The following ALPK3 variants were observed in gnomAD, a reference collection of about 807,000 sequenced individuals.
ALPK3 encodes the protein alpha kinase 3.
In ALPK3, 102 loss-of-function variants were observed where a neutral mutation model predicts 140.0. The ratio of observed to expected loss-of-function variants is 0.73; its 90% CI spans 0.62 to 0.86. ALPK3 has a LOEUF of 0.86. Among genes scored for constraint, ALPK3 ranks in the 40% least tolerant of loss-of-function variants. The pLI is 0.00. For missense variants in ALPK3, 2,254 were observed against 2,208.2 expected, an observed-to-expected ratio of 1.02 and a Z score of -0.42; for synonymous variants, 938 against 898.5, an observed-to-expected ratio of 1.04 and a Z score of -0.79.
intron 5 of ALPK3, among the ~76,000 whole-genome samples, chr15:84,849,686 T>C (rs1963779755): frequency 1.3e-5 from 2 of 152,144 alleles, no homozygotes; most frequent in Admixed American, 6.5e-5. Context: ...TAAGGCCAAT[T>C]AGAAAACATT....
At position 84,858,036 on chromosome 15, in the gene ALPK3, C is replaced by G. The variant is rs1963888666; in HGVS notation, c.3298C>G (p.Pro1100Ala). 2.5e-6 allele frequency: 4 copies of G among 1,569,018 alleles called. No individual in the cohort carries two copies. The Admixed American group carries it at 7.6e-5, about 30-fold the overall frequency. Reference protein sequence around the residue: ...EGEGEVSPEGPGLLGASQESS... With the variant: ...EGEGEVSPEGAGLLGASQESS... ...TGAAGGAGAGGTTTCCCCTGAGGGG[C>G]CTGGCCTCCTGGGGGCCTCTCAGGA... The change falls in exon 6 of 14, where the codon CCT (proline) becomes GCT (alanine). Residue 1100 changes from proline to alanine, a missense_variant. Pro to Ala is a conservative substitution (Grantham distance 27, BLOSUM62 -1). Coordinates refer to ENST00000258888, the MANE Select transcript of ALPK3 (RefSeq NM_020778.5).
At position 84,857,530 on chromosome 15, in the gene ALPK3, G is replaced by T. The variant is rs765180242; in HGVS notation, c.2792G>T (p.Ser931Ile). Reference protein sequence around the residue: ...QSHPPETMATSSEGACAQVPD... With the variant: ...QSHPPETMATISEGACAQVPD... ...CACCCACCAGAAACCATGGCCACCA[G>T]CAGTGAGGGGGCCTGCGCCCAGGTA... The change falls in exon 6 of 14, where the codon AGC becomes ATC. Residue 931 changes from serine (S) to isoleucine (I), a missense_variant. Ser to Ile is a moderately radical substitution (Grantham distance 142). Around this residue, in one of 3 missense-constraint regions of ALPK3, gnomAD observed 2,088 missense variants for 2,022.9 expected, o/e 1.03. Coordinates refer to ENST00000258888, the MANE Select transcript of ALPK3 (RefSeq NM_020778.5). The T allele has an allele frequency of 6.3e-7, 1 of 1,592,894 alleles. No homozygotes were observed. Among genetic ancestry groups the T allele is most frequent in the South Asian group, 1.1e-5 (1 of 87,126 alleles).
intron 3 of ALPK3, among the ~76,000 whole-genome samples, chr15:84,831,756 C>G (rs1963547359): frequency 6.6e-6 from 1 of 152,166 alleles, no homozygotes. Context: ...AAAAGCTGAT[C>G]AGAAGTTCTG....
chr15:84,854,501 G>A (rs1396179378), intron 5 of ALPK3, among the ~76,000 whole-genome samples: 1 of 152,038 alleles, frequency 6.6e-6, no homozygotes, highest in African/African-American at 2.4e-5. Flanking sequence ...TAGCCAGAGT[G>A]GTCTCAAACT....
intron 5 of ALPK3, among the ~76,000 whole-genome samples, chr15:84,853,227 A>G (rs370343449): frequency 2.0e-5 from 3 of 152,240 alleles, no homozygotes; most frequent in East Asian, 1.9e-4. Flanking sequence ...AAGAGGCTCT[A>G]ATATATTACT....
chr15:84,851,900 G>C (rs959998119), intron 5 of ALPK3, among the ~76,000 whole-genome samples: 1 of 152,144 alleles, frequency 6.6e-6, no homozygotes, highest in Non-Finnish European at 1.5e-5. Flanking sequence ...GGGTTAAAGA[G>C]TATAAATATT....
At position 84,857,416 on chromosome 15, in the gene ALPK3, G is replaced by T; in HGVS notation, c.2678G>T (p.Ser893Ile). Residue 893 changes from serine to isoleucine, a missense_variant, in exon 6 of 14, where the codon AGC (serine) becomes ATC (isoleucine). By Grantham distance (142) the Ser-to-Ile change is moderately radical (BLOSUM62 -2). This residue lies in a region of ALPK3 where 2,088 missense variants were observed against 2,022.9 expected (regional missense o/e 1.03). Coordinates refer to ENST00000258888, the MANE Select transcript of ALPK3 (RefSeq NM_020778.5). ...PCSTPTSQHG[S>I]TATFLPSEDQ... ...AGCACCCCGACTTCTCAGCACGGGA[G>T]CACAGCCACCTTCCTGCCCTCTGAG... 6.2e-6 allele frequency: 10 copies of T among 1,614,064 alleles called. No homozygotes were observed. Among genetic ancestry groups the T allele is most frequent in the Non-Finnish European group, 7.6e-6 (9 of 1,180,014 alleles).
intron 1 of ALPK3, 21 bp downstream of exon 1, chr15:84,817,616 G>C (rs564179328): frequency 5.7e-5 from 84 of 1,478,614 alleles, no homozygotes; most frequent in Non-Finnish European, 7.4e-5. Context: ...CCAAGGGGCA[G>C]GGCGGCGTCG....
Position 84,862,767 on chromosome 15 carries a change from G to T in ALPK3, c.4262G>T (p.Arg1421Leu), listed in dbSNP as rs770717324. The T allele has an allele frequency of 5.0e-6, 8 of 1,614,084 alleles. No homozygotes were observed. The highest frequency in any genetic ancestry group is 6.8e-6 in the Non-Finnish European group (8 of 1,180,006). ...GGGGGTGGATATGGGTGTGGCCTTC[G>T]GAAGGCCTCCCAGGCCAAGGTCATC... ...LRGGGYGCGLRKASQAKVIYG... is the reference protein window; with the variant it reads ...LRGGGYGCGLLKASQAKVIYG... Residue 1421 changes from arginine to leucine, a missense_variant, in exon 10 of 14, where the codon CGG (arginine) becomes CTG (leucine). Physicochemically the swap from Arg to Leu is moderately radical, Grantham distance 102. This residue lies in a region of ALPK3 where 2,088 missense variants were observed against 2,022.9 expected (regional missense o/e 1.03). Coordinates refer to ENST00000258888, the MANE Select transcript of ALPK3 (RefSeq NM_020778.5).
Position 84,840,192 on chromosome 15 carries a change from C to T in ALPK3, c.913C>T (p.Gln305Ter), listed in dbSNP as rs1225841418. 1.2e-6 allele frequency: 2 copies of T among 1,613,638 alleles called. No individual in the cohort carries two copies. The highest frequency in any genetic ancestry group is 1.7e-6 in the Non-Finnish European group (2 of 1,179,938). ...YICDAMELGP[Q>*]RALKEESGAK... Reference sequence around the variant, plus strand: ...CTGTGACGCCATGGAGCTGGGGCCTCAGAGAGCCCTCAAAGAGGAGAGTGG... The same window carrying T: ...CTGTGACGCCATGGAGCTGGGGCCTTAGAGAGCCCTCAAAGAGGAGAGTGG... Residue 305 changes from glutamine to a stop codon, truncating the protein, a stop_gained, in exon 5 of 14, where the codon CAG (glutamine) becomes TAG (stop). Coordinates refer to ENST00000258888, the MANE Select transcript of ALPK3 (RefSeq NM_020778.5). LOFTEE classifies it high-confidence loss of function.
At chr15:84,852,541 G>T in intron 5 of ALPK3, 1 of 293,672 alleles carries the variant, frequency 3.4e-6, no homozygotes, top group Non-Finnish European at 6.7e-6. Context: ...GAGTGCCATG[G>T]CATCCTAGAG....
At chr15:84,825,334 G>A (rs986870030) in intron 2 of ALPK3, among the ~76,000 whole-genome samples, 6 of 151,776 alleles carry the variant, frequency 4.0e-5, no homozygotes, top group South Asian at 2.1e-4. Flanking sequence ...CTGCCACCAC[G>A]CCTGGCTAAT....
Position 84,873,145 on chromosome 15 carries a change from G to A in ALPK3, c.*4689G>A, listed in dbSNP as rs893670499. 1.3e-5 allele frequency: 2 copies of A among 152,192 alleles called. No individual in the cohort carries two copies. Among genetic ancestry groups the A allele is most frequent in the African/African-American group, 4.8e-5 (2 of 41,454 alleles). 9.4% of individuals were successfully genotyped at this position (152,192 alleles called of 1,614,324 possible). A position where few individuals can be genotyped will look rare whatever the true frequency, so the allele number is the denominator to read the frequency against. ...TCTTTCAAGCAGCCTCCCAGGCCTAGAGAGGAAAATCAGCAGAGCCTCGTG... is the reference window on the plus strand; with the variant it reads ...TCTTTCAAGCAGCCTCCCAGGCCTAAAGAGGAAAATCAGCAGAGCCTCGTG... On this transcript the variant is annotated 3_prime_UTR_variant, in exon 14 of 14. Transcript: ENST00000258888.
Position 84,859,258 on chromosome 15 carries a change from G to T in ALPK3, c.3833G>T (p.Arg1278Leu), listed in dbSNP as rs747114834. 1.2e-6 allele frequency: 2 copies of T among 1,614,082 alleles called. No individual in the cohort carries two copies. The highest frequency in any genetic ancestry group is 2.2e-5 in the East Asian group (1 of 44,882). ...CTGCTCTCAGCCCCACAGGTGATCC[G>T]GAAGATTCGGGTGGAGCAGTTTCCT... is the stretch of plus-strand genomic sequence containing the variant. Reference protein sequence around the residue: ...KDLLKAPQVIRKIRVEQFPDA... With the variant: ...KDLLKAPQVILKIRVEQFPDA... Residue 1278 changes from arginine to leucine, a missense_variant, in exon 7 of 14, where the codon CGG becomes CTG. Coordinates refer to ENST00000258888, the MANE Select transcript of ALPK3 (RefSeq NM_020778.5).
Position 84,830,981 on chromosome 15 carries a change from T to C in ALPK3, c.304+3376T>C, listed in dbSNP as rs545822337. Among the ~76,000 whole-genome samples the C allele has an allele frequency of 2.0e-5, 3 of 152,330 alleles. No individual in the cohort carries two copies. The East Asian group carries it at 5.8e-4, about 29-fold the overall frequency. On this transcript the variant is annotated intron_variant, in intron 3 of 13. Transcript: ENST00000258888. The stretch of plus-strand genomic sequence containing the variant: ...CTCCCACCTTGGCCTCCCAAAGTGC[T>C]GGGATTATAGTAGGCATGAGTCACT...
intron 5 of ALPK3, among the ~76,000 whole-genome samples, chr15:84,855,269 C>T (rs976967068): frequency 2.0e-5 from 3 of 152,176 alleles, no homozygotes; most frequent in South Asian, 2.1e-4. Context: ...ATTTTGCCGG[C>T]GTCTTGAGAC....
intron 8 of ALPK3, 45 bp downstream of exon 8, chr15:84,859,948 T>C (rs1963923214): frequency 6.2e-7 from 1 of 1,613,730 alleles, no homozygotes; most frequent in Non-Finnish European, 8.5e-7. Flanking sequence ...GCCTGGCTCC[T>C]GGTGGGTGGG....
rs150303087 is a variant in ALPK3, at chr15:84,872,967, A to G, written c.*4511A>G. ...GAAGTCTTTAGTTAAGGTCATTACT[A>G]GGCCATATCTTAGGGGCGTCTGGCC... is the stretch of plus-strand genomic sequence containing the variant. On this transcript the variant is annotated 3_prime_UTR_variant, in exon 14 of 14. Coordinates refer to ENST00000258888, the MANE Select transcript of ALPK3 (RefSeq NM_020778.5). 1.6e-4 allele frequency: 25 copies of G among 152,346 alleles called. No individual in the cohort carries two copies. Among genetic ancestry groups the G allele is most frequent in the African/African-American group, 6.0e-4 (25 of 41,578 alleles). 9.4% of individuals were successfully genotyped at this position (152,346 alleles called of 1,614,324 possible).
At chr15:84,822,499 C>T (rs1275856833) in intron 1 of ALPK3, among the ~76,000 whole-genome samples, 7 of 152,016 alleles carry the variant, frequency 4.6e-5, no homozygotes, top group Non-Finnish European at 7.4e-5. Flanking sequence ...TAGGGACAGC[C>T]GAAGGGAGTG....
Sources: allele counts gnomAD v4.1 joint callset (sites outside exome capture counted in the v4.1 genomes callset), GRCh38; gene constraint gnomAD v4.1.1; regional missense constraint gnomAD v4.1.1; transcripts MANE v1.5; gene names NCBI Gene and HGNC (gene_info 2026-07-23, HGNC 2026-07-21).